The following RORA variants were observed in gnomAD, a reference collection of about 807,000 sequenced individuals.
The protein encoded by RORA is RAR related orphan receptor A, also known as nuclear receptor ROR-alpha.
RORA carries 7 observed loss-of-function variants against 69.5 expected under a neutral mutation model. The ratio of observed to expected loss-of-function variants is 0.10; its 90% CI spans 0.06 to 0.19. RORA has a LOEUF of 0.19. Among genes scored for constraint, RORA ranks in the 10% least tolerant of loss-of-function variants. The pLI is 1.00. For synonymous variants in RORA, 261 were observed against 240.8 expected, an observed-to-expected ratio of 1.08 and a Z score of -0.78; for missense variants, 457 against 663.0, an observed-to-expected ratio of 0.69 and a Z score of 3.41.
chr15:60,950,178 C>G (rs1373734898), intron 1 of RORA, among the ~76,000 whole-genome samples: 1 of 151,478 alleles, frequency 6.6e-6, no homozygotes, highest in African/African-American at 2.4e-5. Context: ...ATTTCATATC[C>G]AGCCAAACTA....
intron 1 of RORA, among the ~76,000 whole-genome samples, chr15:61,074,154 C>A (rs546433581): frequency 6.6e-6 from 1 of 152,276 alleles, no homozygotes; most frequent in East Asian, 1.9e-4. Flanking sequence ...ACCATCATGC[C>A]AACACACTTT....
chr15:60,553,565 C>T (rs971084095), intron 2 of RORA, among the ~76,000 whole-genome samples: 2 of 152,024 alleles, frequency 1.3e-5, no homozygotes, highest in Non-Finnish European at 2.9e-5. Flanking sequence ...AATATGCCAC[C>T]CCAAATTATG....
rs144800691 is a variant in RORA at position 60,571,149 on chromosome 15, AT to A, written c.197-39299del. On this transcript the variant is annotated intron_variant, in intron 2 of 10. Coordinates refer to ENST00000335670, the MANE Select transcript of RORA (RefSeq NM_134261.3). ...AAGGCTGTTATTTACTGTTCTTGCT[AT>A]TTTTTTTTTCCCGGGGAGTGTAGTA... 6.7e-3 allele frequency among the ~76,000 whole-genome samples: 987 copies of A among 147,464 alleles called. 8 individuals are homozygous for A. Among genetic ancestry groups the A allele is most frequent in the South Asian group, 0.025 (117 of 4,610 alleles).
At chr15:60,786,192 A>G (rs1289257719) in intron 1 of RORA, among the ~76,000 whole-genome samples, 1 of 152,210 alleles carries the variant, frequency 6.6e-6, no homozygotes, top group Non-Finnish European at 1.5e-5. Flanking sequence ...ATCAGTGTAC[A>G]GGAGTGCTCT....
chr15:61,116,336 T>G (rs1334586434), intron 1 of RORA, among the ~76,000 whole-genome samples: 1 of 152,180 alleles, frequency 6.6e-6, no homozygotes, highest in Non-Finnish European at 1.5e-5. Flanking sequence ...TTTAGGGTTT[T>G]AGACAAAACA....
intron 7 of RORA, 24 bp downstream of exon 7, chr15:60,503,510 CA>C: frequency 6.2e-7 from 1 of 1,613,074 alleles, no homozygotes; most frequent in Non-Finnish European, 8.5e-7. Flanking sequence ...GAAGAGATCT[CA>C]AAATTCACTT....
At chr15:61,208,855 A>C (rs913626707) in intron 1 of RORA, among the ~76,000 whole-genome samples, 1 of 152,358 alleles carries the variant, frequency 6.6e-6, no homozygotes, top group Non-Finnish European at 1.5e-5. Flanking sequence ...TTAACCATAA[A>C]GATAATAAAA....
chr15:61,068,025 T>C (rs2078289497), intron 1 of RORA, among the ~76,000 whole-genome samples: 1 of 152,230 alleles, frequency 6.6e-6, no homozygotes, highest in Non-Finnish European at 1.5e-5. Context: ...TACCCAGCAC[T>C]AGGTCTCTGA....
intron 1 of RORA, among the ~76,000 whole-genome samples, chr15:61,068,965 C>T (rs942320849): frequency 6.6e-6 from 1 of 152,178 alleles, no homozygotes; most frequent in African/African-American, 2.4e-5. Context: ...ATATACTGTA[C>T]GTAATTCAGG....
intron 1 of RORA, among the ~76,000 whole-genome samples, chr15:61,127,140 A>G (rs989267464): frequency 4.6e-5 from 7 of 152,228 alleles, no homozygotes; most frequent in Admixed American, 1.3e-4. Flanking sequence ...AGTGTGTCAC[A>G]GTCTTCAAAC....
chr15:60,514,331 A>G (rs753042964), intron 4 of RORA, among the ~76,000 whole-genome samples: 4 of 152,196 alleles, frequency 2.6e-5, no homozygotes, highest in Non-Finnish European at 5.9e-5. Flanking sequence ...CGACCCACCT[A>G]TAATGGCTGA....
chr15:60,677,962 G>A (rs374270752), intron 2 of RORA, among the ~76,000 whole-genome samples: 3 of 152,194 alleles, frequency 2.0e-5, no homozygotes, highest in African/African-American at 7.2e-5. Flanking sequence ...ATGATGTCTT[G>A]TTTCATCCTG....
At chr15:60,982,830 T>C (rs1318342996) in intron 1 of RORA, among the ~76,000 whole-genome samples, 1 of 152,254 alleles carries the variant, frequency 6.6e-6, no homozygotes, top group Non-Finnish European at 1.5e-5. Flanking sequence ...CACATTCTGA[T>C]GGTTATTGCC....
intron 1 of RORA, among the ~76,000 whole-genome samples, chr15:60,745,610 C>T (rs986033076): frequency 6.6e-6 from 1 of 152,228 alleles, no homozygotes; most frequent in Admixed American, 6.5e-5. Context: ...AACTAAGACA[C>T]AGGCAACTCA....
At chr15:60,920,660 T>C (rs1892014417) in intron 1 of RORA, among the ~76,000 whole-genome samples, 1 of 152,248 alleles carries the variant, frequency 6.6e-6, no homozygotes, top group Admixed American at 6.5e-5. Flanking sequence ...TTACAATAGA[T>C]ATTGTTCATC....
chr15:60,515,423 C>T (rs2065832002), intron 3 of RORA, among the ~76,000 whole-genome samples: 1 of 151,624 alleles, frequency 6.6e-6, no homozygotes, highest in African/African-American at 2.4e-5. Flanking sequence ...CAGTCCAATG[C>T]TCATCAAGTT....
chr15:60,591,245 A>G (rs1235951972), intron 2 of RORA, among the ~76,000 whole-genome samples: 1 of 152,198 alleles, frequency 6.6e-6, no homozygotes, highest in Non-Finnish European at 1.5e-5. Flanking sequence ...GGGCCTGCGA[A>G]GCAGCTCGGG....
intron 1 of RORA, among the ~76,000 whole-genome samples, chr15:60,700,406 G>A (rs561774664): frequency 1.3e-4 from 20 of 152,188 alleles, no homozygotes; most frequent in Non-Finnish European, 2.4e-4. Context: ...ACTGGAGGAA[G>A]CAGAGCCAAT....
chr15:60,991,729 C>T (rs1288075208), intron 1 of RORA, among the ~76,000 whole-genome samples: 1 of 151,990 alleles, frequency 6.6e-6, no homozygotes, highest in Non-Finnish European at 1.5e-5. Context: ...AAAACCCCAT[C>T]TCAGCCAAAA....
Sources: allele counts gnomAD v4.1 joint callset (sites outside exome capture counted in the v4.1 genomes callset), GRCh38; gene constraint gnomAD v4.1.1; transcripts MANE v1.5; gene names NCBI Gene and HGNC (gene_info 2026-07-23, HGNC 2026-07-21).